FAAH2: variants seen among roughly 807,000 people sequenced by gnomAD.
The protein encoded by FAAH2 is fatty acid amide hydrolase 2.
A neutral mutation model predicts 36.9 loss-of-function variants in FAAH2; 60 were observed. That is an observed-to-expected ratio of 1.63 (90% CI 1.32 to 2.02). The LOEUF (loss-of-function observed/expected upper bound fraction) is 2.02. Among genes scored for constraint, FAAH2 ranks in the 30% most tolerant of loss-of-function variants. FAAH2 has a pLI of 0.00. For missense variants in FAAH2, 689 were observed against 397.5 expected, an observed-to-expected ratio of 1.73 and a Z score of -6.23; for synonymous variants, 214 against 143.8, an observed-to-expected ratio of 1.49 and a Z score of -3.49.
At chrX:57,435,367 A>G (rs1318238702) in intron 8 of FAAH2, among the ~76,000 whole-genome samples, 1 of 111,406 alleles carries the variant, frequency 9.0e-6, no homozygotes, top group Non-Finnish European at 1.9e-5. Flanking sequence ...CTTGAACTCA[A>G]ATGGATTAAG....
chrX:57,476,721 C>G (rs1017774443), intron 10 of FAAH2, among the ~76,000 whole-genome samples: 5 of 111,221 alleles, frequency 4.5e-5, no homozygotes, highest in Non-Finnish European at 7.5e-5. Flanking sequence ...AAGGAGGAGG[C>G]CTTCTTATTC....
intron 7 of FAAH2, among the ~76,000 whole-genome samples, chrX:57,430,927 T>C (rs2056279763): frequency 8.9e-6 from 1 of 111,988 alleles, no homozygotes; most frequent in Admixed American, 9.5e-5. Context: ...ATGATAAATG[T>C]CGCTAAGAAT....
chrX:57,168,521 T>C, the FAAH2 span, among the ~76,000 whole-genome samples: 14 of 112,265 alleles, frequency 1.2e-4, no homozygotes, highest in South Asian at 5.2e-3. Flanking sequence ...CCTTCTCCTT[T>C]GGCTTAAAAG....
chrX:57,258,096 A>G, the FAAH2 span, among the ~76,000 whole-genome samples: 17 of 111,924 alleles, frequency 1.5e-4, no homozygotes, highest in Admixed American at 1.6e-3. Context: ...ATAAAAACAG[A>G]CACATAGAAC....
At chrX:57,377,233 C>T (rs774801666) in intron 5 of FAAH2, among the ~76,000 whole-genome samples, 2 of 111,984 alleles carry the variant, frequency 1.8e-5, no homozygotes, top group Admixed American at 1.9e-4. Flanking sequence ...TGCCTATGTC[C>T]TGAATGGTAT....
intron 10 of FAAH2, among the ~76,000 whole-genome samples, chrX:57,456,128 G>A (rs1461198357): frequency 8.9e-6 from 1 of 111,773 alleles, no homozygotes; most frequent in Non-Finnish European, 1.9e-5. Flanking sequence ...TGCAATAAAA[G>A]CAGAAATCAA....
chrX:57,287,375 ATTC>A (rs2051839418), intron 1 of FAAH2, among the ~76,000 whole-genome samples: 1 of 110,230 alleles, frequency 9.1e-6, no homozygotes, highest in African/African-American at 3.3e-5. Flanking sequence ...CTCTCTCTCT[ATTC>A]TTCCGTCTCT....
At chrX:57,478,715 G>C (rs1175781141) in intron 10 of FAAH2, among the ~76,000 whole-genome samples, 3 of 111,742 alleles carry the variant, frequency 2.7e-5, no homozygotes, top group South Asian at 3.7e-4. Context: ...TGGCTAGCCA[G>C]TTTTCCCAGC....
At chrX:57,232,942 C>T in the FAAH2 span, among the ~76,000 whole-genome samples, 1 of 112,016 alleles carries the variant, frequency 8.9e-6, no homozygotes, top group Non-Finnish European at 1.9e-5. Flanking sequence ...CCCCTTGAGC[C>T]CTGAAGAAGT....
At chrX:57,407,182 G>T (rs2055587487) in intron 7 of FAAH2, among the ~76,000 whole-genome samples, 1 of 112,171 alleles carries the variant, frequency 8.9e-6, no homozygotes, top group Non-Finnish European at 1.9e-5. Context: ...GTCGAAGTCA[G>T]AGCAGATTCT....
chrX:57,387,860 G>A (rs748901589), intron 7 of FAAH2, among the ~76,000 whole-genome samples: 5 of 111,259 alleles, frequency 4.5e-5, no homozygotes, highest in Non-Finnish European at 7.6e-5. Flanking sequence ...ACATGAGAAT[G>A]AGTGATGTGT....
At chrX:57,240,516 G>A in the FAAH2 span, among the ~76,000 whole-genome samples, 1 of 111,616 alleles carries the variant, frequency 9.0e-6, no homozygotes, top group African/African-American at 3.3e-5. Context: ...GCTTGTGTCA[G>A]CAGGATCGGT....
At chrX:57,439,287 C>T (rs1450921137) in intron 8 of FAAH2, among the ~76,000 whole-genome samples, 9 of 110,407 alleles carry the variant, frequency 8.2e-5, no homozygotes, top group African/African-American at 1.3e-4. Context: ...TTTTAATGAT[C>T]GCCATTCTAA....
At chrX:57,273,948 TC>T in the FAAH2 span, among the ~76,000 whole-genome samples, 1 of 110,054 alleles carries the variant, frequency 9.1e-6, no homozygotes, top group Admixed American at 9.7e-5. Flanking sequence ...CAAACAACCC[TC>T]CAAAAAATCA....
intron 10 of FAAH2, among the ~76,000 whole-genome samples, chrX:57,473,856 G>A: frequency 9.0e-6 from 1 of 111,012 alleles, no homozygotes; most frequent in Non-Finnish European, 1.9e-5. Context: ...TTTTTCATTT[G>A]CATGGTGTAT....
the FAAH2 span, among the ~76,000 whole-genome samples, chrX:57,140,473 T>C: frequency 6.8e-5 from 7 of 102,787 alleles, no homozygotes; most frequent in East Asian, 2.1e-3. Context: ...CAGGTGCCTG[T>C]AGTCCCAGCT....
intron 10 of FAAH2, among the ~76,000 whole-genome samples, chrX:57,481,484 T>G (rs2057377932): frequency 8.9e-6 from 1 of 112,093 alleles, no homozygotes; most frequent in Admixed American, 9.4e-5. Flanking sequence ...GTTTTTCTTC[T>G]AACAGTCAGG....
intron 5 of FAAH2, among the ~76,000 whole-genome samples, chrX:57,352,250 A>G (rs1044913468): frequency 2.9e-5 from 3 of 103,275 alleles, no homozygotes; most frequent in Non-Finnish European, 6.0e-5. Context: ...ACAACATGTC[A>G]AATAGACCAC....
rs978435634 is a variant in FAAH2, at chrX:57,453,740, C to A, written c.1423+5022C>A. Among the ~76,000 whole-genome samples, 4 of 112,098 alleles carry A rather than the reference C, an allele frequency of 3.6e-5. No individual in the cohort carries two copies. In the East Asian group the frequency reaches 1.1e-3, roughly 31 times the overall value. On this transcript the variant is annotated intron_variant, in intron 10 of 10. Transcript: ENST00000374900. ...CACAACTTCTTGAACCCCCGGAAAG[C>A]ACCTAGACAGGGGATTAAGTGACCC... is the stretch of plus-strand genomic sequence containing the variant.
Sources: gnomAD v4.1 joint callset for allele counts (sites outside exome capture counted in the v4.1 genomes callset) on GRCh38, gnomAD v4.1.1 for gene constraint, MANE v1.5 for transcripts, NCBI Gene and HGNC (gene_info 2026-07-23, HGNC 2026-07-21) for gene names.